KANK1: variants seen among roughly 807,000 people sequenced by gnomAD.
The protein encoded by KANK1 is KN motif and ankyrin repeat domains 1.
Under a neutral mutation model 106.2 loss-of-function variants are expected in KANK1, and 109 were observed. The ratio of observed to expected loss-of-function variants is 1.03; its 90% CI spans 0.88 to 1.20. KANK1 has a LOEUF of 1.20. Among genes scored for constraint, KANK1 ranks in the 50% most tolerant of loss-of-function variants. The pLI is 0.00. For synonymous variants in KANK1, 873 were observed against 652.2 expected, an observed-to-expected ratio of 1.34 and a Z score of -5.16; for missense variants, 2,399 against 1,710.7, an observed-to-expected ratio of 1.40 and a Z score of -7.10.
At chr9:707,227 G>A (rs1198494625) in intron 2 of KANK1, 2 of 986,092 alleles carry the variant, frequency 2.0e-6, no homozygotes, top group Non-Finnish European at 1.2e-6. Flanking sequence ...GGCTGGCGGG[G>A]AGCGCGGCGG....
In KANK1 at chr9:579,260, G is replaced by A. The variant is rs373653868; in HGVS notation, c.-84+74506G>A. Among the ~76,000 whole-genome samples, 7 of 152,248 alleles carry A rather than the reference G, an allele frequency of 4.6e-5. No homozygotes were observed. The East Asian group carries it at 1.4e-3, about 29-fold the overall frequency. On this transcript the variant is annotated intron_variant, in intron 1 of 11. Transcript: ENST00000382297. ...GTGTGGGCTCCCGTAGCACAGCTGG[G>A]TATTAGCTTGGTAATGGGGAAAGGA...
chr9:597,349 T>G (rs72689661), intron 1 of KANK1, among the ~76,000 whole-genome samples: 8,215 of 151,922 alleles, frequency 0.054, 321 homozygotes, highest in African/African-American at 0.076. Flanking sequence ...AGGTTCCAAT[T>G]TTTCCATATC....
At chr9:589,866 C>T (rs1824408012) in intron 1 of KANK1, among the ~76,000 whole-genome samples, 1 of 152,140 alleles carries the variant, frequency 6.6e-6, no homozygotes, top group Non-Finnish European at 1.5e-5. Flanking sequence ...CTGCCAGAGA[C>T]CTCTGCAGGA....
At chr9:648,110 TCTC>T (rs879684156) in intron 1 of KANK1, among the ~76,000 whole-genome samples, 1 of 148,934 alleles carries the variant, frequency 6.7e-6, no homozygotes, top group Non-Finnish European at 1.5e-5. Flanking sequence ...TTCAAGCAAT[TCTC>T]CTGCCTCAGC....
intron 1 of KANK1, among the ~76,000 whole-genome samples, chr9:513,474 T>C (rs1400565468): frequency 1.3e-5 from 2 of 152,232 alleles, no homozygotes; most frequent in African/African-American, 2.4e-5. Flanking sequence ...CAATGGGGCT[T>C]AGTTTAACTC....
chr9:543,119 A>G (rs892032499), intron 1 of KANK1, among the ~76,000 whole-genome samples: 2 of 152,184 alleles, frequency 1.3e-5, no homozygotes, highest in African/African-American at 4.8e-5. Context: ...TGTATATTGT[A>G]AATATATACA....
intron 1 of KANK1, among the ~76,000 whole-genome samples, chr9:630,434 C>T (rs1017156821): frequency 6.6e-6 from 1 of 152,032 alleles, no homozygotes; most frequent in African/African-American, 2.4e-5. Flanking sequence ...GCCTGTAGTC[C>T]CAGCTACTCG....
Position 598,114 on chromosome 9 carries a change from G to T in KANK1, c.-83-78776G>T, listed in dbSNP as rs75836873. On this transcript the variant is annotated intron_variant, in intron 1 of 11. Coordinates refer to ENST00000382297, the MANE Select transcript of KANK1 (RefSeq NM_015158.5). ...TCTAGTTTTCCCAGCACCACTTGCT[G>T]AAGAGACAGTATTTCCCCATTTGAA... 3.6e-3 allele frequency among the ~76,000 whole-genome samples: 553 copies of T among 151,890 alleles called. 15 individuals are homozygous for T. The highest frequency in any genetic ancestry group is 0.012 in the African/African-American group (507 of 41,194).
chr9:679,073 T>G (rs918243471), intron 2 of KANK1, among the ~76,000 whole-genome samples: 4 of 152,208 alleles, frequency 2.6e-5, no homozygotes, highest in African/African-American at 9.6e-5. Context: ...TAACTTTTCC[T>G]TCCCACCTGG....
At position 713,418 on chromosome 9, in the gene KANK1, G is replaced by A; in HGVS notation, c.2652G>A (p.Glu884=). The A allele has an allele frequency of 6.2e-7, 1 of 1,609,320 alleles. No individual in the cohort carries two copies. Among genetic ancestry groups the A allele is most frequent in the East Asian group, 2.2e-5 (1 of 44,876 alleles). The change falls in exon 3 of 12, where the codon GAG becomes GAA. Residue 884 remains glutamate (E), a synonymous_variant. Transcript: ENST00000382297. The stretch of plus-strand genomic sequence containing the variant: ...TCATGAAATCTGCAAGCACTGAAGA[G>A]CTGAGGAACCCTGACTTCCAGAAAA... The part of the protein sequence containing the change: ...NSVMKSASTE[E]LRNPDFQKTS...
intron 1 of KANK1, among the ~76,000 whole-genome samples, chr9:613,979 T>C (rs1831184943): frequency 6.6e-6 from 1 of 152,142 alleles, no homozygotes; most frequent in Non-Finnish European, 1.5e-5. Context: ...CCCCTCTTAT[T>C]TGAGGCCGGG....
intron 1 of KANK1, among the ~76,000 whole-genome samples, chr9:640,284 T>C (rs12001481): frequency 0.043 from 6,569 of 152,122 alleles, 487 homozygotes; most frequent in African/African-American, 0.15. Context: ...CTCTGTCGCC[T>C]GGGCTGGAGT....
At chr9:506,152 T>A (rs1393346982) in intron 1 of KANK1, among the ~76,000 whole-genome samples, 2 of 152,206 alleles carry the variant, frequency 1.3e-5, no homozygotes, top group African/African-American at 4.8e-5. Flanking sequence ...CTATACCGAT[T>A]AGCAGTCATT....
Position 711,125 on chromosome 9 carries a change from A to G in KANK1, c.359A>G (p.Lys120Arg). The change falls in exon 3 of 12, where the codon AAG becomes AGG. Residue 120 changes from lysine (K) to arginine (R), a missense_variant. By Grantham distance (26) the Lys-to-Arg change is conservative. Transcript: ENST00000382297. ...CAAGTTACATCAACTCCAATCTCAA[A>G]GCCACCTCCCCCTCTGGAGACCTCA... ...RSQVTSTPIS[K>R]PPPPLETSLP... 1 of 1,614,104 alleles carries G rather than the reference A, an allele frequency of 6.2e-7. No individual in the cohort carries two copies. Among genetic ancestry groups the G allele is most frequent in the Non-Finnish European group, 8.5e-7 (1 of 1,180,012 alleles).
chr9:665,016 A>G (rs7021494), intron 1 of KANK1, among the ~76,000 whole-genome samples: 1 of 151,918 alleles, frequency 6.6e-6, no homozygotes, highest in African/African-American at 2.4e-5. Context: ...AATCAGATTA[A>G]TGACTTTTTG....
rs115325683 is a variant in KANK1, at chr9:552,719, A to G, written c.-84+47965A>G. On this transcript the variant is annotated intron_variant, in intron 1 of 11. Transcript: ENST00000382297. ...TGCCTTGGCCTTTTTCCCTGTGACA[A>G]TTTAGGGATCTTTAAAGAAAATATT... is the stretch of plus-strand genomic sequence containing the variant. Among the ~76,000 whole-genome samples the G allele has an allele frequency of 1.9e-3, 289 of 152,228 alleles. 2 individuals carry two copies. Among genetic ancestry groups the G allele is most frequent in the African/African-American group, 6.6e-3 (273 of 41,526 alleles).
chr9:477,887 G>C (rs2058133827), intron 3 of KANK1: 1 of 154,368 alleles, frequency 6.5e-6, no homozygotes, highest in South Asian at 2.0e-4. Context: ...AATGAGATCA[G>C]TCATATACCT....
At chr9:654,855 G>C (rs1361498075) in intron 1 of KANK1, among the ~76,000 whole-genome samples, 1 of 151,372 alleles carries the variant, frequency 6.6e-6, no homozygotes. Flanking sequence ...GAGATAAAGG[G>C]AGGAAGGAAA....
chr9:592,954 A>G (rs1475617464), intron 1 of KANK1, among the ~76,000 whole-genome samples: 1 of 151,914 alleles, frequency 6.6e-6, no homozygotes, highest in African/African-American at 2.4e-5. Flanking sequence ...GTTCAATACC[A>G]AGAAAGATGA....
Sources: gnomAD v4.1 joint callset for allele counts (sites outside exome capture counted in the v4.1 genomes callset) on GRCh38, gnomAD v4.1.1 for gene constraint, MANE v1.5 for transcripts, NCBI Gene and HGNC (gene_info 2026-07-23, HGNC 2026-07-21) for gene names.